SMYD3: variants seen among roughly 807,000 people sequenced by gnomAD.
The protein encoded by SMYD3 is histone-lysine N-methyltransferase SMYD3.
Under a neutral mutation model 57.7 loss-of-function variants are expected in SMYD3, and 36 were observed. The ratio of observed to expected loss-of-function variants is 0.62; its 90% CI spans 0.48 to 0.82. The LOEUF is 0.82. SMYD3 is among the 40% of genes least tolerant of loss of function. The probability of loss-of-function intolerance (pLI) is 0.00; values close to 1 mark genes in which losing one functional copy is unlikely to be tolerated. For missense variants in SMYD3, 515 were observed against 538.8 expected (o/e 0.96, Z 0.44); for synonymous variants, 211 against 195.0 (o/e 1.08, Z -0.68).
chr1:246,403,322 T>C (rs1440641970), intron 1 of SMYD3, among the ~76,000 whole-genome samples: 1 of 151,600 alleles, frequency 6.6e-6, no homozygotes, highest in Non-Finnish European at 1.5e-5. Flanking sequence ...AGTAAGGCCC[T>C]GTGTCTTAAA....
intron 5 of SMYD3, among the ~76,000 whole-genome samples, chr1:246,079,280 T>C (rs1202779749): frequency 6.6e-6 from 1 of 152,204 alleles, no homozygotes; most frequent in Non-Finnish European, 1.5e-5. Flanking sequence ...AATGTCTGAA[T>C]GATTGTAAGG....
chr1:246,008,523 A>AGGGCG (rs2059217896), intron 5 of SMYD3, among the ~76,000 whole-genome samples: 1 of 152,102 alleles, frequency 6.6e-6, no homozygotes, highest in South Asian at 2.1e-4. Flanking sequence ...CCTGGAGGGC[A>AGGGCG]TAAGAGCTGT....
chr1:246,011,924 G>A (rs778844244), intron 5 of SMYD3, among the ~76,000 whole-genome samples: 27 of 152,048 alleles, frequency 1.8e-4, no homozygotes, highest in Admixed American at 5.9e-4. Context: ...GATACTGGCC[G>A]TCAGTATCAT....
chr1:246,499,443 A>C (rs980060952), intron 1 of SMYD3, among the ~76,000 whole-genome samples: 1 of 150,802 alleles, frequency 6.6e-6, no homozygotes, highest in Non-Finnish European at 1.5e-5. Context: ...TATTTTTGTT[A>C]TTGTTGTTTT....
intron 1 of SMYD3, among the ~76,000 whole-genome samples, chr1:246,423,141 A>G (rs1464994376): frequency 6.6e-6 from 1 of 152,018 alleles, no homozygotes; most frequent in Non-Finnish European, 1.5e-5. Flanking sequence ...TTCTAAAAAT[A>G]CAAAAATTAG....
chr1:245,806,745 C>A (rs2048172960), intron 10 of SMYD3, among the ~76,000 whole-genome samples: 1 of 150,804 alleles, frequency 6.6e-6, no homozygotes, highest in South Asian at 2.1e-4. Flanking sequence ...CCCGTCTCTA[C>A]TAAAAATACA....
chr1:246,441,076 G>A lies in SMYD3; in HGVS notation c.164+65978C>T, dbSNP rs538976737. Among the ~76,000 whole-genome samples the A allele has an allele frequency of 4.6e-5, 7 of 152,160 alleles. No individual in the cohort carries two copies. The East Asian group carries it at 7.7e-4, about 17-fold the overall frequency. The stretch of plus-strand genomic sequence containing the variant: ...GTGACCCTTAATCTCTGTTTTGTGC[G>A]TCCCCACTTACCCTGCCGTTCGTAA... On this transcript the variant is annotated intron_variant, in intron 1 of 11. Coordinates refer to ENST00000490107, the MANE Select transcript of SMYD3 (RefSeq NM_001167740.2).
At chr1:245,958,944 G>A (rs900321258) in intron 5 of SMYD3, among the ~76,000 whole-genome samples, 8 of 152,072 alleles carry the variant, frequency 5.3e-5, no homozygotes, top group African/African-American at 7.2e-5. Context: ...GTTTCATTCC[G>A]TCTCCCAGGC....
intron 5 of SMYD3, among the ~76,000 whole-genome samples, chr1:245,978,675 C>G (rs759290531): frequency 7.2e-5 from 11 of 152,138 alleles, no homozygotes; most frequent in Non-Finnish European, 1.6e-4. Flanking sequence ...CCTGGCCAGT[C>G]TATTACAGGC....
At chr1:246,175,887 C>A (rs1455255758) in intron 5 of SMYD3, among the ~76,000 whole-genome samples, 1 of 152,148 alleles carries the variant, frequency 6.6e-6, no homozygotes, top group Non-Finnish European at 1.5e-5. Context: ...TGTGCAGACA[C>A]AGAATAAAAA....
chr1:246,282,448 G>A (rs534262176), intron 5 of SMYD3, among the ~76,000 whole-genome samples: 1 of 151,024 alleles, frequency 6.6e-6, no homozygotes, highest in Admixed American at 6.6e-5. Flanking sequence ...GCAGTGAGCT[G>A]TGGGCCAAGG....
chr1:246,365,905 A>C (rs1481061780), intron 1 of SMYD3, among the ~76,000 whole-genome samples: 2 of 152,178 alleles, frequency 1.3e-5, no homozygotes, highest in African/African-American at 2.4e-5. Context: ...AACCTCTTTA[A>C]GATGAATTCC....
At chr1:245,888,480 C>T (rs539068396) in intron 8 of SMYD3, among the ~76,000 whole-genome samples, 17 of 152,298 alleles carry the variant, frequency 1.1e-4, no homozygotes, top group African/African-American at 4.1e-4. Context: ...GCAGTACCCA[C>T]AGTGCTTTAT....
At chr1:245,954,946 G>C (rs2057782882) in intron 5 of SMYD3, among the ~76,000 whole-genome samples, 1 of 152,186 alleles carries the variant, frequency 6.6e-6, no homozygotes, top group South Asian at 2.1e-4. Context: ...GATCTACCCA[G>C]TAGTTGCAGA....
At chr1:245,881,530 T>C (rs937889284) in intron 8 of SMYD3, among the ~76,000 whole-genome samples, 2 of 152,132 alleles carry the variant, frequency 1.3e-5, no homozygotes, top group African/African-American at 4.8e-5. Context: ...CTTAACTCCA[T>C]GCTAGGCAAA....
chr1:245,953,796 A>T (rs547886178), intron 5 of SMYD3, among the ~76,000 whole-genome samples: 1 of 152,320 alleles, frequency 6.6e-6, no homozygotes, highest in South Asian at 2.1e-4. Context: ...ATGTTCTGTG[A>T]TTACTCTTGT....
At chr1:246,310,566 C>T (rs1048717588) in intron 5 of SMYD3, among the ~76,000 whole-genome samples, 2 of 150,238 alleles carry the variant, frequency 1.3e-5, no homozygotes, top group Non-Finnish European at 2.9e-5. Flanking sequence ...CATGTTTAAA[C>T]GAAATTTGCC....
intron 5 of SMYD3, among the ~76,000 whole-genome samples, chr1:246,296,853 G>A (rs925957585): frequency 1.3e-5 from 2 of 152,084 alleles, no homozygotes; most frequent in African/African-American, 4.8e-5. Context: ...ACTATACTTA[G>A]TACAGATAAC....
intron 1 of SMYD3, among the ~76,000 whole-genome samples, chr1:246,362,489 C>A (rs1374324053): frequency 7.4e-6 from 1 of 135,170 alleles, no homozygotes; most frequent in Non-Finnish European, 1.6e-5. Flanking sequence ...CCTCTCTTTC[C>A]ACGGTCTCCC....
Sources: allele counts gnomAD v4.1 joint callset (sites outside exome capture counted in the v4.1 genomes callset), GRCh38; gene constraint gnomAD v4.1.1; transcripts MANE v1.5; gene names NCBI Gene and HGNC (gene_info 2026-07-23, HGNC 2026-07-21).